VDR: variants seen among roughly 807,000 people sequenced by gnomAD.
VDR encodes vitamin D3 receptor.
Under a neutral mutation model 39.7 loss-of-function variants are expected in VDR, and 19 were observed. The observed-to-expected ratio is 0.48, with a 90% CI of 0.33 to 0.70. VDR has a LOEUF of 0.70. Among genes scored for constraint, VDR ranks in the 30% least tolerant of loss-of-function variants. The probability of loss-of-function intolerance (pLI) is 0.02; values close to 1 mark genes in which losing one functional copy is unlikely to be tolerated. For missense variants in VDR, 442 were observed against 570.5 expected (o/e 0.77, Z 2.29); for synonymous variants, 242 against 215.8 (o/e 1.12, Z -1.07).
At chr12:47,883,621 A>G (rs1354764575) in intron 1 of VDR, among the ~76,000 whole-genome samples, 1 of 151,684 alleles carries the variant, frequency 6.6e-6, no homozygotes, top group East Asian at 1.9e-4. Context: ...AAACAGACAG[A>G]CACACACACA....
intron 1 of VDR, among the ~76,000 whole-genome samples, chr12:47,892,195 G>A: frequency 6.6e-6 from 1 of 152,218 alleles, no homozygotes; most frequent in East Asian, 1.9e-4. Flanking sequence ...GATGGGCAGG[G>A]CTGGGCTAAC....
rs985787044 is a variant in VDR, at chr12:47,843,208, A to G, written c.*1538T>C. 2 of 152,336 alleles carry G rather than the reference A, an allele frequency of 1.3e-5. No homozygotes were observed. The highest frequency in any genetic ancestry group is 4.8e-5 in the African/African-American group (2 of 41,436). 9.4% of individuals were successfully genotyped at this position (152,336 alleles called of 1,614,324 possible). ...TTCTGAGAGACATGGGGCCAGGTGGACACCAAGGCTCTTGCAGTGTGAAGT... is the reference window on the plus strand; with the variant it reads ...TTCTGAGAGACATGGGGCCAGGTGGGCACCAAGGCTCTTGCAGTGTGAAGT... On this transcript the variant is annotated 3_prime_UTR_variant, in exon 10 of 10. Transcript: ENST00000549336.
chr12:47,875,561 A>C (rs536999257), intron 3 of VDR, among the ~76,000 whole-genome samples: 1 of 152,310 alleles, frequency 6.6e-6, no homozygotes, highest in South Asian at 2.1e-4. Context: ...AAAATGGAAA[A>C]CTTCCAAATA....
intron 7 of VDR, among the ~76,000 whole-genome samples, chr12:47,848,181 T>C (rs919975275): frequency 3.8e-4 from 57 of 151,978 alleles, no homozygotes; most frequent in Non-Finnish European, 7.4e-5. Context: ...GGATTACAGG[T>C]GTACGCCTAG....
chr12:47,874,828 A>G (rs553692056), intron 3 of VDR, among the ~76,000 whole-genome samples: 167 of 152,314 alleles, frequency 1.1e-3, no homozygotes, highest in Admixed American at 2.7e-3. Flanking sequence ...ATCCATGACC[A>G]TATGCATCCA....
intron 1 of VDR, among the ~76,000 whole-genome samples, chr12:47,886,165 T>C (rs1946248800): frequency 6.6e-6 from 1 of 152,252 alleles, no homozygotes; most frequent in Non-Finnish European, 1.5e-5. Flanking sequence ...CTTCCTAAAA[T>C]TGCCACACAC....
intron 1 of VDR, among the ~76,000 whole-genome samples, chr12:47,903,852 C>T (rs993674780): frequency 1.3e-5 from 2 of 152,180 alleles, no homozygotes; most frequent in African/African-American, 4.8e-5. Context: ...TTCACGGTCA[C>T]CTCCTGCTAG....
chr12:47,857,596 G>C lies in VDR; in HGVS notation c.370C>G (p.Leu124Val). 6.2e-7 allele frequency: 1 copy of C among 1,614,242 alleles called. No individual in the cohort carries two copies. Among genetic ancestry groups the C allele is most frequent in the Non-Finnish European group, 8.5e-7 (1 of 1,180,044 alleles). Residue 124 changes from leucine (L) to valine (V), a missense_variant, in exon 5 of 10, where the codon CTG (leucine) becomes GTG (valine). Transcript: ENST00000549336. ...EALKDSLRPK[L>V]SEEQQRIIAI... ...ATGATGCGCTGCTGCTCCTCAGACAGCTTGGGCCGCAGACTGTCCTTCAAG... is the reference window on the plus strand; with the variant it reads ...ATGATGCGCTGCTGCTCCTCAGACACCTTGGGCCGCAGACTGTCCTTCAAG...
intron 3 of VDR, among the ~76,000 whole-genome samples, chr12:47,877,112 A>G (rs1481617217): frequency 1.3e-5 from 2 of 152,212 alleles, no homozygotes; most frequent in African/African-American, 2.4e-5. Flanking sequence ...AAGGCCAGAC[A>G]TGGTGGCTCA....
intron 9 of VDR, among the ~76,000 whole-genome samples, 178 bp downstream of exon 9, chr12:47,846,157 G>C (rs907650956): frequency 1.3e-5 from 2 of 152,226 alleles, no homozygotes; most frequent in African/African-American, 4.8e-5. Flanking sequence ...GCAGTGAGGG[G>C]CACCTCAGCG....
At chr12:47,889,321 A>T (rs1031180271) in intron 1 of VDR, among the ~76,000 whole-genome samples, 17 of 152,118 alleles carry the variant, frequency 1.1e-4, no homozygotes, top group African/African-American at 4.1e-4. Context: ...GGAATGGGCC[A>T]TGGAAGCTGG....
chr12:47,896,814 G>A (rs1184942531), intron 1 of VDR: 1 of 152,214 alleles, frequency 6.6e-6, no homozygotes, highest in Non-Finnish European at 1.5e-5. Context: ...TTGCCAAAGA[G>A]GCTGGGCAGA....
Position 47,878,709 on chromosome 12 carries a change from G to A in VDR, c.146+259C>T, listed in dbSNP as rs555749820. On this transcript the variant is annotated intron_variant, in intron 3 of 9. Transcript: ENST00000549336. ...TGGTGTAGGAGGCTGTGGGTTACAG[G>A]CGTAATGGAAAGACAGAGACCCACA... 6.3e-5 allele frequency: 37 copies of A among 590,798 alleles called. No homozygotes were observed. The East Asian group carries it at 1.3e-3, about 22-fold the overall frequency. The allele number at this position is 590,798 out of a possible 1,614,324, so 36.6% of individuals were successfully genotyped here. A position where few individuals can be genotyped will look rare whatever the true frequency, so the allele number is the denominator to read the frequency against.
chr12:47,872,477 T>C (rs941450453), intron 3 of VDR, among the ~76,000 whole-genome samples: 6 of 152,220 alleles, frequency 3.9e-5, no homozygotes, highest in Non-Finnish European at 7.3e-5. Context: ...GCCTGCTCTC[T>C]GGGTGCCTAG....
intron 4 of VDR, among the ~76,000 whole-genome samples, chr12:47,861,600 T>C (rs1268476881): frequency 6.6e-6 from 1 of 152,260 alleles, no homozygotes; most frequent in Non-Finnish European, 1.5e-5. Flanking sequence ...GAAGACACTA[T>C]ATGATATATG....
chr12:47,891,531 A>G (rs1946368513), intron 1 of VDR, among the ~76,000 whole-genome samples: 1 of 111,882 alleles, frequency 8.9e-6, no homozygotes, highest in Non-Finnish European at 1.8e-5. Context: ...CTGAGCTGGG[A>G]AAAAAACTGA....
At chr12:47,845,675 T>A (rs1945265928) in intron 9 of VDR, among the ~76,000 whole-genome samples, 1 of 152,150 alleles carries the variant, frequency 6.6e-6, no homozygotes, top group Non-Finnish European at 1.5e-5. Flanking sequence ...AGTGGATGAA[T>A]GAATGAGAGA....
intron 3 of VDR, among the ~76,000 whole-genome samples, chr12:47,878,429 A>G (rs1044019693): frequency 9.9e-5 from 15 of 152,198 alleles, no homozygotes; most frequent in Non-Finnish European, 1.3e-4. Context: ...TACATTCCTG[A>G]CACTGCCTGG....
At chr12:47,864,444 A>G (rs1180295379) in intron 4 of VDR, among the ~76,000 whole-genome samples, 1 of 152,200 alleles carries the variant, frequency 6.6e-6, no homozygotes, top group Non-Finnish European at 1.5e-5. Context: ...CCTAGAACCC[A>G]GTGCTTCCCC....
Sources: gnomAD v4.1 joint callset for allele counts (sites outside exome capture counted in the v4.1 genomes callset) on GRCh38, gnomAD v4.1.1 for gene constraint, MANE v1.5 for transcripts, NCBI Gene and HGNC (gene_info 2026-07-23, HGNC 2026-07-21) for gene names.